The following LMX1A variants were observed in gnomAD, a reference collection of about 807,000 sequenced individuals.
LMX1A encodes the protein LIM homeobox transcription factor 1 alpha, also known as LIM homeobox transcription factor 1-alpha.
A neutral mutation model predicts 49.1 loss-of-function variants in LMX1A; 15 were observed. The observed-to-expected ratio is 0.31, with a 90% confidence interval of 0.20 to 0.47. LMX1A has a LOEUF of 0.47. Among genes scored for constraint, LMX1A ranks in the 20% least tolerant of loss-of-function variants. The pLI is 1.00. For synonymous variants in LMX1A, 167 were observed against 185.7 expected, an observed-to-expected ratio of 0.90 and a Z score of 0.82; for missense variants, 372 against 475.8, an observed-to-expected ratio of 0.78 and a Z score of 2.03.
Position 165,256,952 on chromosome 1 carries a change from T to C in LMX1A, c.264-7312A>G, listed in dbSNP as rs1011839312. ...CTAGGGACTCCTGGATTTCAGTGCCTGTTGTGTAACCTTAGGAAAATCACC... is the reference window on the plus strand; with the variant it reads ...CTAGGGACTCCTGGATTTCAGTGCCCGTTGTGTAACCTTAGGAAAATCACC... On this transcript the variant is annotated intron_variant, in intron 3 of 8. Transcript: ENST00000342310. 3.3e-5 allele frequency among the ~76,000 whole-genome samples: 5 copies of C among 151,672 alleles called. 1 individual carries two copies. The highest frequency in any genetic ancestry group is 3.3e-4 in the Admixed American group (5 of 15,188).
chr1:165,354,100 T>C (rs921039577), intron 2 of LMX1A, among the ~76,000 whole-genome samples: 1 of 152,184 alleles, frequency 6.6e-6, no homozygotes, highest in African/African-American at 2.4e-5. Flanking sequence ...GTGGTTCAGG[T>C]GGCGACGCTT....
intron 3 of LMX1A, among the ~76,000 whole-genome samples, chr1:165,319,687 G>A (rs999850217): frequency 2.6e-4 from 39 of 152,146 alleles, no homozygotes; most frequent in African/African-American, 9.2e-4. Context: ...TTATAAGACT[G>A]TACACATCAT....
intron 4 of LMX1A, among the ~76,000 whole-genome samples, chr1:165,240,512 C>T (rs1375384025): frequency 6.6e-6 from 1 of 152,118 alleles, no homozygotes; most frequent in Non-Finnish European, 1.5e-5. Context: ...ATTCACTATT[C>T]CTCTGCCTTT....
chr1:165,227,663 G>A (rs1652083607), intron 4 of LMX1A, among the ~76,000 whole-genome samples: 1 of 152,024 alleles, frequency 6.6e-6, no homozygotes, highest in South Asian at 2.1e-4. Context: ...GCTGTTTTGG[G>A]AAAAAAGTAC....
At chr1:165,299,138 C>T (rs1654705831) in intron 3 of LMX1A, among the ~76,000 whole-genome samples, 1 of 152,250 alleles carries the variant, frequency 6.6e-6, no homozygotes, top group Non-Finnish European at 1.5e-5. Flanking sequence ...CCCCAGATGC[C>T]TGATTCTTCC....
intron 3 of LMX1A, among the ~76,000 whole-genome samples, chr1:165,329,284 C>T (rs1282000451): frequency 6.6e-6 from 1 of 152,200 alleles, no homozygotes; most frequent in Non-Finnish European, 1.5e-5. Flanking sequence ...CACCTCCCAC[C>T]AGGTCTCGCC....
chr1:165,203,857 G>T lies in LMX1A; in HGVS notation c.*23C>A. The T allele has an allele frequency of 6.2e-7, 1 of 1,611,154 alleles. No homozygotes were observed. Among genetic ancestry groups the T allele is most frequent in the South Asian group, 1.1e-5 (1 of 90,986 alleles). ...TATGGTTGTTCCATATGGGAGCCTA[G>T]TCACAGAACTCTAGGGGAAGACTCA... is the stretch of plus-strand genomic sequence containing the variant. On this transcript the variant is annotated 3_prime_UTR_variant, in exon 9 of 9. Transcript: ENST00000342310.
In LMX1A at chr1:165,246,342, T is replaced by G. The variant is rs909687852; in HGVS notation, c.496+3066A>C. On this transcript the variant is annotated intron_variant, in intron 4 of 8. Transcript: ENST00000342310. Reference sequence around the variant, plus strand: ...TTGATATAATTGATGAAATGAGTAGTTCAGATAAGATATTTGATTCTGGTT... The same window carrying G: ...TTGATATAATTGATGAAATGAGTAGGTCAGATAAGATATTTGATTCTGGTT... 2.6e-5 allele frequency among the ~76,000 whole-genome samples: 4 copies of G among 152,176 alleles called. No homozygotes were observed. The East Asian group carries it at 5.8e-4, about 22-fold the overall frequency.
intron 3 of LMX1A, among the ~76,000 whole-genome samples, chr1:165,300,124 G>A (rs557621307): frequency 6.6e-6 from 1 of 151,906 alleles, no homozygotes; most frequent in South Asian, 2.1e-4. Flanking sequence ...GCCCCCCAAC[G>A]AGTGGTCCCA....
intron 3 of LMX1A, among the ~76,000 whole-genome samples, chr1:165,309,739 T>C (rs1383593722): frequency 6.6e-6 from 1 of 152,218 alleles, no homozygotes; most frequent in African/African-American, 2.4e-5. Flanking sequence ...CCATGAACTT[T>C]GTGTCTGGAA....
intron 3 of LMX1A, among the ~76,000 whole-genome samples, chr1:165,346,082 G>A (rs886577820): frequency 3.3e-5 from 5 of 152,176 alleles, no homozygotes; most frequent in Non-Finnish European, 5.9e-5. Flanking sequence ...TCCATTCCCA[G>A]CAAAGCTGGA....
intron 3 of LMX1A, among the ~76,000 whole-genome samples, chr1:165,345,200 T>C (rs1656200044): frequency 6.6e-6 from 1 of 152,164 alleles, no homozygotes. Context: ...AAAAGTCCTT[T>C]TAAAGATTCC....
At chr1:165,314,264 C>G (rs112677998) in intron 3 of LMX1A, among the ~76,000 whole-genome samples, 1 of 152,180 alleles carries the variant, frequency 6.6e-6, no homozygotes, top group African/African-American at 2.4e-5. Context: ...GAGAGCATGG[C>G]AAAGGGGGCC....
At chr1:165,271,926 T>C (rs1256319366) in intron 3 of LMX1A, among the ~76,000 whole-genome samples, 1 of 152,206 alleles carries the variant, frequency 6.6e-6, no homozygotes, top group African/African-American at 2.4e-5. Flanking sequence ...ATCTCAGTAC[T>C]TTTTCTCCAG....
At chr1:165,278,946 G>A (rs1427192821) in intron 3 of LMX1A, among the ~76,000 whole-genome samples, 2 of 152,162 alleles carry the variant, frequency 1.3e-5, no homozygotes, top group Admixed American at 6.5e-5. Flanking sequence ...ACAACACCCT[G>A]AGGGAACCTC....
chr1:165,333,172 T>C (rs762613407), intron 3 of LMX1A, among the ~76,000 whole-genome samples: 1 of 152,224 alleles, frequency 6.6e-6, no homozygotes, highest in Non-Finnish European at 1.5e-5. Context: ...TTGTTTTGTT[T>C]TGATTTGTTT....
At chr1:165,254,958 T>C (rs919874189) in intron 3 of LMX1A, among the ~76,000 whole-genome samples, 14 of 152,134 alleles carry the variant, frequency 9.2e-5, no homozygotes, top group African/African-American at 7.2e-5. Flanking sequence ...ACCTGTAAAA[T>C]GGGAATAATA....
intron 3 of LMX1A, among the ~76,000 whole-genome samples, chr1:165,253,476 C>T (rs1352014809): frequency 6.6e-6 from 1 of 151,980 alleles, no homozygotes; most frequent in Non-Finnish European, 1.5e-5. Flanking sequence ...GGAGGCATTA[C>T]TCACAGGTTG....
chr1:165,280,558 G>A (rs560652808), intron 3 of LMX1A, among the ~76,000 whole-genome samples: 1 of 152,242 alleles, frequency 6.6e-6, no homozygotes, highest in African/African-American at 2.4e-5. Context: ...TTCAACTTGA[G>A]GAATTTTCTT....
Sources: gnomAD v4.1 joint callset for allele counts (sites outside exome capture counted in the v4.1 genomes callset) on GRCh38, gnomAD v4.1.1 for gene constraint, MANE v1.5 for transcripts, NCBI Gene and HGNC (gene_info 2026-07-23, HGNC 2026-07-21) for gene names.